The following PDE8A variants were observed in gnomAD, a reference collection of about 807,000 sequenced individuals.
PDE8A encodes the protein phosphodiesterase 8A, also known as high affinity cAMP-specific and IBMX-insensitive 3',5'-cyclic phosphodiesterase 8A.
A neutral mutation model predicts 105.0 loss-of-function variants in PDE8A; 59 were observed. The observed-to-expected ratio is 0.56, with a 90% CI of 0.46 to 0.70. PDE8A has a LOEUF of 0.70. Ranked by LOEUF, PDE8A falls within the 30% of genes least tolerant of loss-of-function variation. PDE8A has a pLI of 0.00. For synonymous variants in PDE8A, 355 were observed against 371.9 expected (o/e 0.95, Z 0.52); for missense variants, 1,014 against 1,045.9 (o/e 0.97, Z 0.42).
At chr15:85,059,788 C>G (rs1206930129) in intron 1 of PDE8A, among the ~76,000 whole-genome samples, 2 of 152,090 alleles carry the variant, frequency 1.3e-5, no homozygotes, top group East Asian at 3.9e-4. Context: ...GAGTTTAATC[C>G]ATTTATATTT....
At chr15:85,058,877 A>C (rs775272747) in intron 1 of PDE8A, among the ~76,000 whole-genome samples, 1 of 151,848 alleles carries the variant, frequency 6.6e-6, no homozygotes, top group Non-Finnish European at 1.5e-5. Context: ...TTTCTGTATT[A>C]TCTATTCTCT....
At chr15:85,129,634 C>G (rs1375904150) in intron 20 of PDE8A, among the ~76,000 whole-genome samples, 2 of 150,396 alleles carry the variant, frequency 1.3e-5, no homozygotes, top group African/African-American at 4.9e-5. Context: ...AAAGATTTGT[C>G]AATCTTGTTG....
In PDE8A at chr15:85,136,482, G is replaced by A. The variant is rs2082412182; in HGVS notation, c.2254-52G>A. The A allele has an allele frequency of 1.9e-6, 3 of 1,579,306 alleles. No homozygotes were observed. The Admixed American group carries it at 5.1e-5, about 27-fold the overall frequency. ...TTCCTGGGGGAGGGGCTGCCCCTAG[G>A]TGGAGTGGAACCAGATGTTGGGGTC... On this transcript the variant is annotated intron_variant, in intron 20 of 21. Coordinates refer to ENST00000394553, the MANE Select transcript of PDE8A (RefSeq NM_002605.3).
At chr15:85,086,644 T>TA (rs922260823) in intron 6 of PDE8A, among the ~76,000 whole-genome samples, 13 of 152,204 alleles carry the variant, frequency 8.5e-5, no homozygotes, top group African/African-American at 3.1e-4. Context: ...CTGCGAAAGT[T>TA]AAAAAAAAGT....
chr15:85,113,365 C>G lies in PDE8A; in HGVS notation c.1115-12C>G, dbSNP rs369738711. On this transcript the variant is annotated splice_polypyrimidine_tract_variant and intron_variant, in intron 12 of 21. Coordinates refer to ENST00000394553, the MANE Select transcript of PDE8A (RefSeq NM_002605.3). The stretch of plus-strand genomic sequence containing the variant: ...TGTGCATGCCCTGATTTGTGCATCC[C>G]TTTCTCCACAGTTTCCAGCCAGAGA... 2.5e-6 allele frequency: 4 copies of G among 1,613,314 alleles called. No individual in the cohort carries two copies. The highest frequency in any genetic ancestry group is 3.4e-6 in the Non-Finnish European group (4 of 1,179,306).
chr15:85,051,105 G>T (rs2080965819), intron 1 of PDE8A, among the ~76,000 whole-genome samples: 1 of 152,014 alleles, frequency 6.6e-6, no homozygotes, highest in African/African-American at 2.4e-5. Context: ...TTCCTTTTCA[G>T]ATTGGTCATT....
intron 1 of PDE8A, among the ~76,000 whole-genome samples, chr15:84,983,168 C>T (rs1327938205): frequency 6.6e-6 from 1 of 152,148 alleles, no homozygotes; most frequent in African/African-American, 2.4e-5. Context: ...AAAAGAAAAA[C>T]GTGATCATTA....
intron 1 of PDE8A, among the ~76,000 whole-genome samples, chr15:84,992,803 A>G (rs537955780): frequency 3.9e-5 from 6 of 152,184 alleles, no homozygotes; most frequent in Non-Finnish European, 7.3e-5. Flanking sequence ...ACATGCCACA[A>G]TTTGTACAGT....
intron 17 of PDE8A, among the ~76,000 whole-genome samples, chr15:85,119,471 A>AC: frequency 6.7e-6 from 1 of 149,364 alleles, no homozygotes; most frequent in African/African-American, 2.5e-5. Context: ...CTCGTCTCAA[A>AC]AAAAAAAAAA....
intron 1 of PDE8A, among the ~76,000 whole-genome samples, chr15:85,028,618 C>T (rs901735029): frequency 6.6e-6 from 1 of 152,146 alleles, no homozygotes; most frequent in Non-Finnish European, 1.5e-5. Context: ...CCTTGTATTT[C>T]GCAATTTGAT....
chr15:85,042,517 G>A (rs2080826515), intron 1 of PDE8A, among the ~76,000 whole-genome samples: 1 of 152,156 alleles, frequency 6.6e-6, no homozygotes, highest in Admixed American at 6.5e-5. Flanking sequence ...AGGTCCGATG[G>A]TTTAATACAA....
At chr15:85,084,644 T>C (rs1233595504) in intron 6 of PDE8A, among the ~76,000 whole-genome samples, 1 of 152,170 alleles carries the variant, frequency 6.6e-6, no homozygotes, top group African/African-American at 2.4e-5. Flanking sequence ...TTTTATCCAA[T>C]CAAGAATCAG....
intron 3 of PDE8A, among the ~76,000 whole-genome samples, chr15:85,069,105 GA>G (rs1289682538): frequency 6.6e-6 from 1 of 152,036 alleles, no homozygotes; most frequent in African/African-American, 2.4e-5. Context: ...ATATTTCAAT[GA>G]AAAAAAGTAA....
intron 11 of PDE8A, among the ~76,000 whole-genome samples, chr15:85,103,755 G>A (rs937229056): frequency 1.3e-5 from 2 of 152,200 alleles, no homozygotes; most frequent in African/African-American, 4.8e-5. Context: ...TCACTACTGA[G>A]CTTTGAGCAC....
At chr15:85,017,476 A>G (rs1289381401) in intron 1 of PDE8A, among the ~76,000 whole-genome samples, 1 of 152,146 alleles carries the variant, frequency 6.6e-6, no homozygotes, top group Non-Finnish European at 1.5e-5. Flanking sequence ...TCTTTAATAC[A>G]GTGTTAAAAT....
At chr15:85,102,018 A>C (rs548217962) in intron 11 of PDE8A, among the ~76,000 whole-genome samples, 51 of 152,290 alleles carry the variant, frequency 3.3e-4, no homozygotes, top group Non-Finnish European at 7.1e-4. Flanking sequence ...TAGAGATGAA[A>C]ATGTTTCTGG....
At chr15:85,096,692 C>T (rs908862815) in intron 8 of PDE8A, among the ~76,000 whole-genome samples, 5 of 152,088 alleles carry the variant, frequency 3.3e-5, no homozygotes, top group Admixed American at 6.6e-5. Context: ...CTACAAGCCT[C>T]GTCCTGTGGG....
At chr15:85,113,040 G>A (rs1041128879) in intron 12 of PDE8A, among the ~76,000 whole-genome samples, 2 of 152,170 alleles carry the variant, frequency 1.3e-5, no homozygotes, top group Admixed American at 1.3e-4. Flanking sequence ...TTTACTCCTA[G>A]AGAATGGCAA....
In PDE8A at chr15:85,103,092, C is replaced by T. The variant is rs551979206; in HGVS notation, c.1036+2894C>T. On this transcript the variant is annotated intron_variant, in intron 11 of 21. Coordinates refer to ENST00000394553, the MANE Select transcript of PDE8A (RefSeq NM_002605.3). ...AAAAAATTAGCCGGGTGTGGTGACA[C>T]GCGCCAGTAGTCCCAGCTACAGGGG... is the stretch of plus-strand genomic sequence containing the variant. Among the ~76,000 whole-genome samples, 10 of 152,100 alleles carry T rather than the reference C, an allele frequency of 6.6e-5. No individual in the cohort carries two copies. The South Asian group carries it at 1.9e-3, about 28-fold the overall frequency.
Sources: allele counts gnomAD v4.1 joint callset (sites outside exome capture counted in the v4.1 genomes callset), GRCh38; gene constraint gnomAD v4.1.1; transcripts MANE v1.5; gene names NCBI Gene and HGNC (gene_info 2026-07-23, HGNC 2026-07-21).